The following UTRN variants were observed in gnomAD, a reference collection of about 807,000 sequenced individuals.
The protein encoded by UTRN is utrophin.
A neutral mutation model predicts 463.9 loss-of-function variants in UTRN; 283 were observed. The ratio of observed to expected loss-of-function variants is 0.61; its 90% confidence interval spans 0.55 to 0.67. UTRN has a LOEUF of 0.67. Ranked by LOEUF, UTRN falls within the 30% of genes least tolerant of loss-of-function variation. The probability of loss-of-function intolerance (pLI) is 0.00; values close to 1 mark genes in which losing one functional copy is unlikely to be tolerated. For synonymous variants in UTRN, 1,442 were observed against 1,431.5 expected, an observed-to-expected ratio of 1.01 and a Z score of -0.17; for missense variants, 3,922 against 4,084.3, an observed-to-expected ratio of 0.96 and a Z score of 1.08.
In UTRN at chr6:144,516,908, T is replaced by G. The variant is rs1396088883; in HGVS notation, c.5501T>G (p.Leu1834Trp). 6.7e-7 allele frequency: 1 copy of G among 1,500,892 alleles called. No individual in the cohort carries two copies. Among genetic ancestry groups the G allele is most frequent in the African/African-American group, 1.5e-5 (1 of 68,018 alleles). The allele number at this position is 1,500,892 out of a possible 1,614,324, so 93.0% of individuals were successfully genotyped here. Residue 1834 changes from leucine to tryptophan, a missense_variant, in exon 39 of 75, where the codon TTG becomes TGG. Around this residue, in one of 3 missense-constraint regions of UTRN, gnomAD observed 2,349 missense variants for 2,303.8 expected, o/e 1.02. Transcript: ENST00000367545. Reference sequence around the variant, plus strand: ...GATAATAAAAAAGAAAAGATCCGTTTGCAATTATTACTTTTGCATACTAGA... The same window carrying G: ...GATAATAAAAAAGAAAAGATCCGTTGGCAATTATTACTTTTGCATACTAGA... ...MEDNKKEKIR[L>W]QLLLLHTRYN...
At chr6:144,307,563 C>T (rs73586908) in intron 2 of UTRN, among the ~76,000 whole-genome samples, 9,326 of 152,198 alleles carry the variant, frequency 0.061, 936 homozygotes, top group African/African-American at 0.21. Flanking sequence ...CTGGCACGAA[C>T]TGAGGGTCTC....
intron 52 of UTRN, among the ~76,000 whole-genome samples, chr6:144,696,759 T>C (rs1784046018): frequency 6.6e-6 from 1 of 152,130 alleles, no homozygotes; most frequent in Non-Finnish European, 1.5e-5. Context: ...TCTGCCAGAG[T>C]GGGTGCTCCG....
intron 30 of UTRN, among the ~76,000 whole-genome samples, chr6:144,489,623 G>A (rs1008924398): frequency 2.0e-5 from 3 of 151,750 alleles, no homozygotes; most frequent in Non-Finnish European, 2.9e-5. Flanking sequence ...ATACAAAAAC[G>A]TATTATTATT....
intron 58 of UTRN, among the ~76,000 whole-genome samples, chr6:144,770,604 A>G (rs1424428751): frequency 1.3e-5 from 2 of 151,936 alleles, no homozygotes; most frequent in African/African-American, 2.4e-5. Context: ...CACCAAAGTC[A>G]TGAACTGTTT....
At chr6:144,626,142 G>T (rs985949324) in intron 51 of UTRN, among the ~76,000 whole-genome samples, 2 of 152,172 alleles carry the variant, frequency 1.3e-5, no homozygotes, top group Non-Finnish European at 2.9e-5. Context: ...AGTGATGGGT[G>T]TTTATTTAAA....
intron 2 of UTRN, among the ~76,000 whole-genome samples, chr6:144,316,275 T>A (rs953592327): frequency 6.6e-6 from 1 of 152,226 alleles, no homozygotes; most frequent in Admixed American, 6.5e-5. Context: ...TGGTGGCTCT[T>A]ACTGACCCCA....
At chr6:144,741,739 TTGTC>T (rs1302603775) in intron 54 of UTRN, among the ~76,000 whole-genome samples, 64 of 152,300 alleles carry the variant, frequency 4.2e-4, no homozygotes, top group Non-Finnish European at 6.0e-4. Context: ...GAGGCCCTGG[TTGTC>T]TGTTCCAGGG....
intron 9 of UTRN, 53 bp from the exon 10 acceptor site, chr6:144,435,882 A>T: frequency 6.3e-7 from 1 of 1,586,578 alleles, no homozygotes. Context: ...AGTTTGCTGA[A>T]CACCTCTTGC....
intron 12 of UTRN, 112 bp from the exon 13 acceptor site, chr6:144,440,240 T>C: frequency 9.0e-7 from 1 of 1,105,432 alleles, no homozygotes; most frequent in Non-Finnish European, 1.3e-6. Context: ...TGATTGGAAA[T>C]TTAAATATGA....
chr6:144,561,095 G>C (rs1438049907), intron 50 of UTRN, among the ~76,000 whole-genome samples: 1 of 150,058 alleles, frequency 6.7e-6, no homozygotes, highest in Non-Finnish European at 1.5e-5. Flanking sequence ...TGCCAGTTGA[G>C]ATAGTGATTG....
chr6:144,301,931 C>T (rs1805306594), intron 2 of UTRN, among the ~76,000 whole-genome samples: 1 of 152,070 alleles, frequency 6.6e-6, no homozygotes, highest in African/African-American at 2.4e-5. Flanking sequence ...TGCCCATGGT[C>T]CTTTTCTTAC....
At position 144,793,917 on chromosome 6, in the gene UTRN, C is replaced by T. The variant is rs555151166; in HGVS notation, c.9004C>T (p.Pro3002Ser). Residue 3002 changes from proline (P) to serine (S), a missense_variant, in exon 63 of 75, where the codon CCC becomes TCC. By Grantham distance (74) the Pro-to-Ser change is moderately conservative (BLOSUM62 -1). Around this residue, in one of 3 missense-constraint regions of UTRN, gnomAD observed 1,309 missense variants for 1,452.6 expected, o/e 0.90. Transcript: ENST00000367545. Reference protein sequence around the residue: ...GLLLHDAIQIPRQLGEVAAFG... With the variant: ...GLLLHDAIQISRQLGEVAAFG... ...GTTACTTCATGATGCCATCCAGATC[C>T]CCCGGCAGCTAGGTGAAGTAGCAGC... 6.2e-7 allele frequency: 1 copy of T among 1,614,096 alleles called. No individual in the cohort carries two copies. Among genetic ancestry groups the T allele is most frequent in the South Asian group, 1.1e-5 (1 of 91,072 alleles).
At chr6:144,513,711 A>G (rs1305695573) in intron 35 of UTRN, among the ~76,000 whole-genome samples, 198 bp from the exon 36 acceptor site, 1 of 152,186 alleles carries the variant, frequency 6.6e-6, no homozygotes, top group African/African-American at 2.4e-5. Context: ...ATAAATTTAA[A>G]AAGTGTTAAG....
intron 2 of UTRN, among the ~76,000 whole-genome samples, chr6:144,385,386 C>T (rs1434825257): frequency 6.6e-6 from 1 of 152,154 alleles, no homozygotes; most frequent in Non-Finnish European, 1.5e-5. Context: ...GTAAAACTGA[C>T]TAAGGTGATC....
At chr6:144,440,869 A>T (rs1787084531) in intron 13 of UTRN, among the ~76,000 whole-genome samples, 1 of 152,168 alleles carries the variant, frequency 6.6e-6, no homozygotes, top group Admixed American at 6.5e-5. Context: ...GGGAAGGAGG[A>T]GCAAGCCACA....
intron 64 of UTRN, among the ~76,000 whole-genome samples, chr6:144,799,108 A>C (rs1777496186): frequency 6.6e-6 from 1 of 152,254 alleles, no homozygotes; most frequent in Non-Finnish European, 1.5e-5. Flanking sequence ...GGAGAGTCAA[A>C]TCAGGAGGGC....
intron 51 of UTRN, among the ~76,000 whole-genome samples, chr6:144,637,706 C>T (rs191099979): frequency 4.4e-4 from 66 of 151,702 alleles, no homozygotes; most frequent in Admixed American, 1.5e-3. Context: ...TGCCTTTTCC[C>T]CTCCACCCTA....
intron 62 of UTRN, among the ~76,000 whole-genome samples, chr6:144,789,673 CT>C (rs1776593909): frequency 1.3e-5 from 2 of 152,144 alleles, no homozygotes; most frequent in Non-Finnish European, 2.9e-5. Flanking sequence ...GAATTAGATA[CT>C]AGGTTTTTCT....
intron 2 of UTRN, among the ~76,000 whole-genome samples, chr6:144,353,251 A>G (rs1778268306): frequency 6.6e-6 from 1 of 151,974 alleles, no homozygotes; most frequent in South Asian, 2.1e-4. Flanking sequence ...AGTAGCTGGG[A>G]CTACAGGCGC....
Sources: allele counts gnomAD v4.1 joint callset (sites outside exome capture counted in the v4.1 genomes callset), GRCh38; gene constraint gnomAD v4.1.1; regional missense constraint gnomAD v4.1.1; transcripts MANE v1.5; gene names NCBI Gene and HGNC (gene_info 2026-07-23, HGNC 2026-07-21).